Variants in CCDC171 observed in about 807,000 individuals in gnomAD.
CCDC171 encodes the protein coiled-coil domain-containing protein 171.
In CCDC171, 177 loss-of-function variants were observed where a neutral mutation model predicts 168.2. That is an observed-to-expected ratio of 1.05 (90% CI 0.93 to 1.19). The LOEUF is 1.19. CCDC171 is among the 50% of genes most tolerant of loss of function. CCDC171 has a pLI of 0.00. For missense variants in CCDC171, 1,991 were observed against 1,539.0 expected (o/e 1.29, Z -4.91); for synonymous variants, 687 against 540.8 (o/e 1.27, Z -3.75).
chr9:15,582,322 A>C (rs2041190919), intron 4 of CCDC171, among the ~76,000 whole-genome samples: 1 of 152,176 alleles, frequency 6.6e-6, no homozygotes, highest in Non-Finnish European at 1.5e-5. Flanking sequence ...ATGCTTTTAC[A>C]CTGTTGGTGG....
At chr9:15,578,199 T>G (rs183009827) in intron 3 of CCDC171, among the ~76,000 whole-genome samples, 133 of 151,900 alleles carry the variant, frequency 8.8e-4, no homozygotes, top group African/African-American at 3.2e-3. Flanking sequence ...TCATGCATTT[T>G]TTTGTTTGTT....
At chr9:15,764,329 A>G (rs766495499) in intron 18 of CCDC171, among the ~76,000 whole-genome samples, 1 of 152,226 alleles carries the variant, frequency 6.6e-6, no homozygotes, top group Non-Finnish European at 1.5e-5. Flanking sequence ...TCTGACTTCT[A>G]TCAGTAGTTA....
intron 21 of CCDC171, among the ~76,000 whole-genome samples, chr9:15,802,995 C>G (rs1246302522): frequency 3.3e-5 from 5 of 152,092 alleles, no homozygotes; most frequent in Non-Finnish European, 2.9e-5. Flanking sequence ...ATTTGCATTT[C>G]TCTAATGATC....
At chr9:15,642,023 T>G (rs1848583) in intron 7 of CCDC171, among the ~76,000 whole-genome samples, 142,841 of 152,076 alleles carry the variant, frequency 0.94, 67,171 homozygotes, top group East Asian at 1. Flanking sequence ...AAGTAGCTGG[T>G]CATGGTGGTG....
At chr9:15,621,297 A>G (rs1189854788) in intron 6 of CCDC171, among the ~76,000 whole-genome samples, 1 of 152,148 alleles carries the variant, frequency 6.6e-6, no homozygotes, top group Non-Finnish European at 1.5e-5. Context: ...TAAAATAAAT[A>G]TGTTTTTATA....
In CCDC171 at chr9:15,608,987, TA is replaced by T. The variant is rs68110531; in HGVS notation, c.676-14274del. On this transcript the variant is annotated intron_variant, in intron 6 of 25. Coordinates refer to ENST00000380701, the MANE Select transcript of CCDC171 (RefSeq NM_173550.4). ...AAAAAAAAAAAGAGTGGTTTTTTTT[TA>T]AAAAATATATTTAGTAACTAACCCT... Among the ~76,000 whole-genome samples, 829 of 140,430 alleles carry T rather than the reference TA, an allele frequency of 5.9e-3. 17 individuals carry two copies. The highest frequency in any genetic ancestry group is 0.02 in the African/African-American group (777 of 39,190). The allele number at this position is 140,430 out of a possible 152,430, so 92.1% of individuals were successfully genotyped here.
At chr9:15,807,140 C>G (rs985188663) in intron 21 of CCDC171, among the ~76,000 whole-genome samples, 1 of 152,158 alleles carries the variant, frequency 6.6e-6, no homozygotes, top group African/African-American at 2.4e-5. Context: ...TTCTTAGTTT[C>G]CTTGGATTGC....
chr9:15,825,232 A>G (rs1009468), intron 21 of CCDC171, among the ~76,000 whole-genome samples: 67,248 of 151,890 alleles, frequency 0.44, 15,091 homozygotes, highest in African/African-American at 0.47. Flanking sequence ...TAAAGACACC[A>G]ACCACATGAT....
intron 11 of CCDC171, among the ~76,000 whole-genome samples, chr9:15,697,094 G>A (rs2051274675): frequency 1.3e-5 from 2 of 152,112 alleles, no homozygotes; most frequent in South Asian, 4.1e-4. Flanking sequence ...CTGGCTTCTG[G>A]TTAGGTTTGG....
At chr9:15,685,982 A>T (rs1408629975) in intron 10 of CCDC171, among the ~76,000 whole-genome samples, 3 of 152,086 alleles carry the variant, frequency 2.0e-5, no homozygotes, top group Non-Finnish European at 4.4e-5. Flanking sequence ...CTCTTTGAAA[A>T]ATTTTACACT....
intron 9 of CCDC171, among the ~76,000 whole-genome samples, chr9:15,666,977 G>A (rs1404248280): frequency 1.3e-5 from 2 of 152,244 alleles, no homozygotes; most frequent in East Asian, 1.9e-4. Context: ...TATGAGGAAG[G>A]TATTTTAAAA....
At chr9:16,069,631 T>G in the CCDC171 span, among the ~76,000 whole-genome samples, 60,371 of 152,146 alleles carry the variant, frequency 0.4, 13,500 homozygotes, top group African/African-American at 0.61. Context: ...AGCTTAGCTG[T>G]CCCTTGATCT....
chr9:15,911,540 C>G (rs969644887), intron 24 of CCDC171, among the ~76,000 whole-genome samples: 2 of 152,176 alleles, frequency 1.3e-5, no homozygotes, highest in African/African-American at 4.8e-5. Flanking sequence ...TGCAGAAGCT[C>G]TTTAGTTTAA....
At chr9:15,663,849 G>T (rs1021773494) in intron 8 of CCDC171, among the ~76,000 whole-genome samples, 4 of 151,964 alleles carry the variant, frequency 2.6e-5, no homozygotes, top group Non-Finnish European at 4.4e-5. Flanking sequence ...CTCATGATCC[G>T]CCTGCCTCGG....
intron 11 of CCDC171, among the ~76,000 whole-genome samples, chr9:15,714,151 T>A (rs1171423674): frequency 6.6e-6 from 1 of 152,212 alleles, no homozygotes; most frequent in Non-Finnish European, 1.5e-5. Context: ...TGAATGCTGA[T>A]GTGGTAGGAA....
intron 2 of CCDC171, among the ~76,000 whole-genome samples, chr9:15,571,384 A>G (rs185032594): frequency 7.9e-4 from 120 of 152,318 alleles, no homozygotes; most frequent in Non-Finnish European, 1.3e-3. Context: ...ATCTTGAATA[A>G]TGTGGTAATT....
intron 6 of CCDC171, among the ~76,000 whole-genome samples, chr9:16,034,877 A>G (rs1182238329): frequency 6.6e-6 from 1 of 152,192 alleles, no homozygotes; most frequent in Non-Finnish European, 1.5e-5. Flanking sequence ...CCAAGGGTTA[A>G]CTTGGAGAGT....
intron 25 of CCDC171, among the ~76,000 whole-genome samples, chr9:15,935,975 A>G (rs1827063326): frequency 1.3e-5 from 2 of 152,120 alleles, no homozygotes; most frequent in Admixed American, 6.6e-5. Context: ...GAATGTAACA[A>G]CATTGCAGAA....
chr9:15,849,054 A>G (rs2061018533), intron 23 of CCDC171, 107 bp downstream of exon 23: 2 of 581,704 alleles, frequency 3.4e-6, no homozygotes, highest in Admixed American at 3.9e-5. Context: ...AAAAAAATAA[A>G]TTAACAAAAA....
Sources: gnomAD v4.1 joint callset for allele counts (sites outside exome capture counted in the v4.1 genomes callset) on GRCh38, gnomAD v4.1.1 for gene constraint, MANE v1.5 for transcripts, NCBI Gene and HGNC (gene_info 2026-07-23, HGNC 2026-07-21) for gene names.